The following USP34 variants were observed in gnomAD, a reference collection of about 807,000 sequenced individuals.
The protein encoded by USP34 is ubiquitin carboxyl-terminal hydrolase 34.
A neutral mutation model predicts 460.3 loss-of-function variants in USP34; 70 were observed. The ratio of observed to expected loss-of-function variants is 0.15; its 90% CI spans 0.13 to 0.19. USP34 has a LOEUF of 0.19. USP34 is among the 10% of genes least tolerant of loss of function. The probability of loss-of-function intolerance (pLI) is 1.00; values close to 1 mark genes in which losing one functional copy is unlikely to be tolerated. For synonymous variants in USP34, 1,647 were observed against 1,405.3 expected (o/e 1.17, Z -3.85); for missense variants, 3,985 against 4,236.2 (o/e 0.94, Z 1.65).
chr2:61,345,326 CA>C (rs560447907), intron 15 of USP34, among the ~76,000 whole-genome samples: 152 of 150,250 alleles, frequency 1.0e-3, no homozygotes, highest in African/African-American at 3.6e-3. Context: ...TCTTGAAAAA[CA>C]CTTCCTTAAT....
chr2:61,299,134 G>T (rs1690140313), intron 29 of USP34, among the ~76,000 whole-genome samples: 1 of 152,106 alleles, frequency 6.6e-6, no homozygotes, highest in Non-Finnish European at 1.5e-5. Flanking sequence ...ATTTAAGAAT[G>T]TACCATCACG....
chr2:61,320,568 A>C (rs530547963), intron 21 of USP34, among the ~76,000 whole-genome samples: 1 of 152,340 alleles, frequency 6.6e-6, no homozygotes, highest in East Asian at 1.9e-4. Context: ...AAAGTGTATA[A>C]AATATTTACT....
intron 2 of USP34, among the ~76,000 whole-genome samples, chr2:61,409,037 C>G (rs1445898753): frequency 6.6e-6 from 1 of 151,366 alleles, no homozygotes; most frequent in East Asian, 2.0e-4. Flanking sequence ...CTGACCAATA[C>G]AGCAAAACCT....
At chr2:61,235,225 T>TGTAA (rs1480408602) in intron 57 of USP34, among the ~76,000 whole-genome samples, 1 of 152,190 alleles carries the variant, frequency 6.6e-6, no homozygotes, top group African/African-American at 2.4e-5. Flanking sequence ...ATTTTTGTCA[T>TGTAA]TTATACCTTA....
intron 1 of USP34, among the ~76,000 whole-genome samples, chr2:61,448,683 A>C (rs1010801001): frequency 6.6e-6 from 1 of 152,250 alleles, no homozygotes; most frequent in Non-Finnish European, 1.5e-5. Context: ...GGGATCCACT[A>C]AACAATTTAC....
intron 1 of USP34, among the ~76,000 whole-genome samples, chr2:61,429,011 T>C (rs1055219428): frequency 2.0e-5 from 3 of 151,968 alleles, no homozygotes; most frequent in Non-Finnish European, 2.9e-5. Flanking sequence ...TTAGAGTGGA[T>C]TGAGTTTAAA....
At chr2:61,235,810 T>G (rs764380126) in intron 57 of USP34, 35 bp downstream of exon 57, 1 of 1,594,644 alleles carries the variant, frequency 6.3e-7, no homozygotes, top group South Asian at 1.2e-5. Flanking sequence ...AAAAGAATCT[T>G]AAACTATGCA....
chr2:61,255,464 G>A (rs1572875774), intron 48 of USP34, among the ~76,000 whole-genome samples: 1 of 152,140 alleles, frequency 6.6e-6, no homozygotes, highest in Non-Finnish European at 1.5e-5. Flanking sequence ...TTGCTTATTT[G>A]TATCTTAGGA....
intron 3 of USP34, among the ~76,000 whole-genome samples, chr2:61,402,478 A>C (rs1693750913): frequency 6.6e-6 from 1 of 152,212 alleles, no homozygotes; most frequent in South Asian, 2.1e-4. Flanking sequence ...ATGATTTAGA[A>C]GTAGTGCAGT....
At chr2:61,322,357 T>C (rs1032821370) in intron 21 of USP34, among the ~76,000 whole-genome samples, 1 of 152,158 alleles carries the variant, frequency 6.6e-6, no homozygotes, top group Non-Finnish European at 1.5e-5. Context: ...GTCAGGCTAA[T>C]GAGAGAAAAT....
At chr2:61,441,162 C>CA (rs1182833805) in intron 1 of USP34, among the ~76,000 whole-genome samples, 1 of 148,194 alleles carries the variant, frequency 6.7e-6, no homozygotes, top group African/African-American at 2.5e-5. Context: ...TTTTTGGACT[C>CA]AGAGTCTTGC....
chr2:61,242,334 T>G (rs1688287225), intron 51 of USP34, among the ~76,000 whole-genome samples: 1 of 152,126 alleles, frequency 6.6e-6, no homozygotes, highest in Non-Finnish European at 1.5e-5. Flanking sequence ...GTAAGTAACT[T>G]TATGCAGATG....
At chr2:61,196,880 C>G (rs974387889) in intron 75 of USP34, among the ~76,000 whole-genome samples, 3 of 152,112 alleles carry the variant, frequency 2.0e-5, no homozygotes, top group Admixed American at 6.6e-5. Flanking sequence ...ACCAAGAAGC[C>G]AGCACTACCA....
intron 70 of USP34, 190 bp from the exon 71 acceptor site, chr2:61,207,076 C>T (rs1439452962): frequency 7.5e-6 from 4 of 529,840 alleles, no homozygotes; most frequent in Non-Finnish European, 1.3e-5. Context: ...CATTCCTCAC[C>T]TTCAGAGCTC....
intron 67 of USP34, 76 bp downstream of exon 67, chr2:61,220,234 G>C: frequency 1.6e-6 from 2 of 1,229,406 alleles, no homozygotes; most frequent in Non-Finnish European, 1.1e-6. Context: ...GCATGTCGTA[G>C]TTGCCTAAAA....
chr2:61,230,958 A>G (rs1480484594), intron 58 of USP34, among the ~76,000 whole-genome samples: 3 of 152,224 alleles, frequency 2.0e-5, no homozygotes. Context: ...AGTTCCTAAC[A>G]GCATTACTAA....
intron 43 of USP34, among the ~76,000 whole-genome samples, chr2:61,262,126 T>TAGATAGATAG (rs1553359518): frequency 2.4e-5 from 3 of 126,754 alleles, no homozygotes; most frequent in Non-Finnish European, 4.8e-5. Flanking sequence ...AATATATATA[T>TAGATAGATAG]ATATATAGAT....
At chr2:61,448,022 T>C (rs1293624385) in intron 1 of USP34, among the ~76,000 whole-genome samples, 1 of 152,214 alleles carries the variant, frequency 6.6e-6, no homozygotes, top group Non-Finnish European at 1.5e-5. Flanking sequence ...TGAAATTTAA[T>C]AAAATTGAAC....
intron 16 of USP34, among the ~76,000 whole-genome samples, chr2:61,340,721 CTT>C (rs969008257): frequency 6.6e-6 from 1 of 152,130 alleles, no homozygotes; most frequent in African/African-American, 2.4e-5. Flanking sequence ...GTGTATACCT[CTT>C]TGGTGAAATA....
Sources: allele counts gnomAD v4.1 joint callset (sites outside exome capture counted in the v4.1 genomes callset), GRCh38; gene constraint gnomAD v4.1.1; transcripts MANE v1.5; gene names NCBI Gene and HGNC (gene_info 2026-07-23, HGNC 2026-07-21).